Variants in CRLF3 observed in about 807,000 individuals in gnomAD.
CRLF3 encodes the protein cytokine receptor like factor 3.
In CRLF3, 33 loss-of-function variants were observed where a neutral mutation model predicts 55.0. That is an observed-to-expected ratio of 0.60 (90% CI 0.46 to 0.80). The LOEUF (loss-of-function observed/expected upper bound fraction) is 0.80, where lower values mean the gene tolerates loss of function less well. Among genes scored for constraint, CRLF3 ranks in the 30% least tolerant of loss-of-function variants. CRLF3 has a pLI of 0.00. For synonymous variants in CRLF3, 238 were observed against 196.8 expected (o/e 1.21, Z -1.75); for missense variants, 494 against 538.4 (o/e 0.92, Z 0.82).
chr17:30,799,188 G>A (rs926475083), intron 2 of CRLF3, among the ~76,000 whole-genome samples: 41 of 152,142 alleles, frequency 2.7e-4, no homozygotes, highest in African/African-American at 9.9e-4. Context: ...CAGGAAAATC[G>A]CTTGAACCTG....
intron 2 of CRLF3, 56 bp from the exon 3 acceptor site, chr17:30,797,454 C>A (rs955636374): frequency 7.2e-6 from 10 of 1,379,658 alleles, no homozygotes; most frequent in Non-Finnish European, 1.0e-5. Context: ...ATAAAGTAAT[C>A]AACACAACTC....
rs1159336036 is a variant in CRLF3 at position 30,788,599 on chromosome 17, C to CTTTTTTTTTTT, written c.960-2579_960-2569dup. Reference sequence around the variant, plus strand: ...GGGATAAATAACAAAGTAGTGCCTTCTTTTTTTTTTTTTTTTTTTTTTTTT... The same window carrying CTTTTTTTTTTT: ...GGGATAAATAACAAAGTAGTGCCTTCTTTTTTTTTTTTTTTTTTTTTTTTTTTTTTTTTTTT... On this transcript the variant is annotated intron_variant, in intron 6 of 7. Coordinates refer to ENST00000324238, the MANE Select transcript of CRLF3 (RefSeq NM_015986.4). Among the ~76,000 whole-genome samples the CTTTTTTTTTTT allele has an allele frequency of 2.2e-4, 18 of 80,038 alleles. 2 individuals carry two copies. The highest frequency in any genetic ancestry group is 8.7e-4 in the African/African-American group (15 of 17,232). The allele number at this position is 80,038 out of a possible 152,430, so 52.5% of individuals were successfully genotyped here.
intron 2 of CRLF3, among the ~76,000 whole-genome samples, chr17:30,801,892 T>C (rs986339247): frequency 6.6e-6 from 1 of 151,844 alleles, no homozygotes; most frequent in Admixed American, 6.6e-5. Flanking sequence ...ACTCCACTTA[T>C]GATAATGTTA....
At chr17:30,808,601 T>C (rs2142266254) in intron 1 of CRLF3, among the ~76,000 whole-genome samples, 1 of 149,664 alleles carries the variant, frequency 6.7e-6, no homozygotes, top group South Asian at 2.1e-4. Context: ...CCTGTATATA[T>C]ATATATTTTT....
intron 1 of CRLF3, among the ~76,000 whole-genome samples, chr17:30,815,542 T>C (rs987602418): frequency 1.8e-5 from 1 of 56,784 alleles, no homozygotes; most frequent in East Asian, 3.9e-4. Flanking sequence ...TAGTTTCTTC[T>C]TTTTTTTTTT....
intron 5 of CRLF3, among the ~76,000 whole-genome samples, chr17:30,793,142 A>T (rs1003124419): frequency 6.6e-6 from 1 of 151,810 alleles, no homozygotes; most frequent in African/African-American, 2.4e-5. Flanking sequence ...GTCTCAAAAA[A>T]ACTAACTAAA....
At chr17:30,792,694 AAAAT>A in intron 5 of CRLF3, 122 bp from the exon 6 acceptor site, 2 of 802,014 alleles carry the variant, frequency 2.5e-6, no homozygotes, top group East Asian at 2.5e-5. Context: ...CAAGTTCAAT[AAAAT>A]AAAAGATTCC....
intron 1 of CRLF3, among the ~76,000 whole-genome samples, chr17:30,810,905 T>C (rs1456307986): frequency 6.6e-6 from 1 of 152,000 alleles, no homozygotes; most frequent in South Asian, 2.1e-4. Context: ...CTGGGCAACA[T>C]GGCAAAACTC....
intron 2 of CRLF3, among the ~76,000 whole-genome samples, chr17:30,798,314 G>A (rs987513823): frequency 6.6e-6 from 1 of 151,904 alleles, no homozygotes; most frequent in Admixed American, 6.6e-5. Flanking sequence ...GGACATGGAG[G>A]TTGCAGTGAG....
At chr17:30,784,538 A>G in intron 7 of CRLF3, 95 bp from the exon 8 acceptor site, 1 of 1,139,102 alleles carries the variant, frequency 8.8e-7, no homozygotes, top group Non-Finnish European at 1.3e-6. Context: ...TCATTTCCTA[A>G]TTCAGATTTT....
At position 30,787,979 on chromosome 17, in the gene CRLF3, G is replaced by A. The variant is rs188009380; in HGVS notation, c.960-1948C>T. On this transcript the variant is annotated intron_variant, in intron 6 of 7. Transcript: ENST00000324238. ...CATGCCACTGCACTTCAACCTGGGC[G>A]ACAGAGCGAGACCTTGTCTTAAACA... Among the ~76,000 whole-genome samples, 767 of 151,564 alleles carry A rather than the reference G, an allele frequency of 5.1e-3. 12 individuals carry two copies. Among genetic ancestry groups the A allele is most frequent in the Admixed American group, 3.2e-3 (48 of 15,182 alleles).
rs776174924 is a variant in CRLF3 at position 30,804,015 on chromosome 17, C to A, written c.223G>T (p.Val75Leu). 1 of 1,613,320 alleles carries A rather than the reference C, an allele frequency of 6.2e-7. No homozygotes were observed. The highest frequency in any genetic ancestry group is 1.7e-5 in the Admixed American group (1 of 60,016). ...GTGTCCACCTCTTGCAAAAGGGTCA[C>A]CAATCGCTCATCCAGGAGCTTTCCA... Reference protein sequence around the residue: ...TLGKLLDERLVTLLQEVDTIE... With the variant: ...TLGKLLDERLLTLLQEVDTIE... Residue 75 changes from valine (V) to leucine (L), a missense_variant, in exon 2 of 8, where the codon GTG (valine) becomes TTG (leucine). Transcript: ENST00000324238.
rs1303224551 is a variant in CRLF3, at chr17:30,796,182, C to A, written c.581G>T (p.Gly194Val). Residue 194 changes from glycine (G) to valine (V), a missense_variant, in exon 4 of 8, where the codon GGC becomes GTC. Transcript: ENST00000324238. ...TACCTTACACCATCGTACAATGATG[C>A]CTCCAGGTTTCTCTATTAGTTCTTC... ...QIEELIEKPG[G>V]IIVRWCKVDD... 6.2e-7 allele frequency: 1 copy of A among 1,612,356 alleles called. No individual in the cohort carries two copies. The highest frequency in any genetic ancestry group is 8.5e-7 in the Non-Finnish European group (1 of 1,178,936).
intron 4 of CRLF3, among the ~76,000 whole-genome samples, chr17:30,795,701 C>T (rs1041817988): frequency 4.0e-5 from 6 of 151,870 alleles, no homozygotes; most frequent in African/African-American, 7.3e-5. Flanking sequence ...TTTGGGTGGC[C>T]GAGGCGAGTG....
chr17:30,795,932 C>T (rs925684008), intron 4 of CRLF3, among the ~76,000 whole-genome samples: 19 of 151,718 alleles, frequency 1.3e-4, no homozygotes, highest in African/African-American at 3.6e-4. Flanking sequence ...ACTCCAGCCT[C>T]GGTGAAAGAG....
At chr17:30,799,616 T>TGC (rs1971974697) in intron 2 of CRLF3, among the ~76,000 whole-genome samples, 1 of 151,870 alleles carries the variant, frequency 6.6e-6, no homozygotes, top group African/African-American at 2.4e-5. Flanking sequence ...TGCAACCTCT[T>TGC]GCCTCAGCCT....
intron 5 of CRLF3, 91 bp from the exon 6 acceptor site, chr17:30,792,663 A>G (rs1461794420): frequency 6.5e-6 from 8 of 1,223,950 alleles, no homozygotes; most frequent in Non-Finnish European, 8.1e-6. Flanking sequence ...GAAATGGGAG[A>G]CTACTCTTAG....
chr17:30,792,784 AATCAC>A (rs11277785), intron 5 of CRLF3: 57,651 of 447,620 alleles, frequency 0.13, 4,160 homozygotes, highest in South Asian at 0.24. Context: ...TGACATAATA[AATCAC>A]ACAAGTGTTA....
chr17:30,801,355 G>C (rs1972005299), intron 2 of CRLF3: 1 of 148,560 alleles, frequency 6.7e-6, no homozygotes, highest in African/African-American at 2.5e-5. Flanking sequence ...TTGAACTCCT[G>C]GGCTCAAGTG....
Sources: allele counts gnomAD v4.1 joint callset (sites outside exome capture counted in the v4.1 genomes callset), GRCh38; gene constraint gnomAD v4.1.1; transcripts MANE v1.5; gene names NCBI Gene and HGNC (gene_info 2026-07-23, HGNC 2026-07-21).